Variants in LHFPL3 observed in about 807,000 individuals in gnomAD.
LHFPL3 encodes the protein LHFPL tetraspan subfamily member 3 protein.
Under a neutral mutation model 19.3 loss-of-function variants are expected in LHFPL3, and 5 were observed. That is an observed-to-expected ratio of 0.26 (90% CI 0.14 to 0.54). LHFPL3 has a LOEUF of 0.54. LHFPL3 is among the 20% of genes least tolerant of loss of function. The probability of loss-of-function intolerance (pLI) is 0.94; values close to 1 mark genes in which losing one functional copy is unlikely to be tolerated. For synonymous variants in LHFPL3, 133 were observed against 126.2 expected (o/e 1.05, Z -0.36); for missense variants, 249 against 307.4 (o/e 0.81, Z 1.42).
At chr7:104,753,372 A>AGT (rs1199487407) in intron 2 of LHFPL3, among the ~76,000 whole-genome samples, 1 of 152,198 alleles carries the variant, frequency 6.6e-6, no homozygotes, top group Non-Finnish European at 1.5e-5. Context: ...TTCACTCATA[A>AGT]TATTATAAGG....
intron 1 of LHFPL3, among the ~76,000 whole-genome samples, chr7:104,574,022 A>C (rs542234515): frequency 2.6e-5 from 4 of 152,342 alleles, no homozygotes; most frequent in South Asian, 4.1e-4. Context: ...GCAGCTTGGA[A>C]ATATTTACTG....
At chr7:104,873,696 G>A (rs1460041065) in intron 2 of LHFPL3, among the ~76,000 whole-genome samples, 1 of 152,158 alleles carries the variant, frequency 6.6e-6, no homozygotes, top group East Asian at 1.9e-4. Flanking sequence ...AACAATATAT[G>A]AATGTGCTCA....
chr7:104,368,704 A>G (rs941944873), intron 1 of LHFPL3, among the ~76,000 whole-genome samples: 1 of 150,876 alleles, frequency 6.6e-6, no homozygotes, highest in South Asian at 2.1e-4. Context: ...TTTTGTCTGC[A>G]TGGCCTTCCC....
At chr7:104,634,682 A>G (rs926184948) in intron 1 of LHFPL3, among the ~76,000 whole-genome samples, 4 of 152,172 alleles carry the variant, frequency 2.6e-5, no homozygotes, top group African/African-American at 4.8e-5. Context: ...AGACTGTGGG[A>G]TCCTTCTTTG....
chr7:104,361,965 G>T (rs1790396679), intron 1 of LHFPL3, among the ~76,000 whole-genome samples: 2 of 152,190 alleles, frequency 1.3e-5, no homozygotes, highest in Admixed American at 6.5e-5. Flanking sequence ...TAAAGGGTTG[G>T]CATTACACCA....
chr7:104,861,668 T>TGAAAGTGATTCTTCTCCTA (rs1171844093), intron 2 of LHFPL3, among the ~76,000 whole-genome samples: 1 of 151,944 alleles, frequency 6.6e-6, no homozygotes. Context: ...CCAACCTGGG[T>TGAAAGTGATTCTTCTCCTA]GAAAGTGATT....
rs76056403 is a variant in LHFPL3 at position 104,343,188 on chromosome 7, T to C, written c.445+13964T>C. On this transcript the variant is annotated intron_variant, in intron 1 of 2. Coordinates refer to ENST00000424859, the MANE Select transcript of LHFPL3 (RefSeq NM_199000.3). ...AAATTTTTCCCCAAATGTGTTAAAG[T>C]ATTATCCAAGTTTAGTGTAGAAATA... is the stretch of plus-strand genomic sequence containing the variant. Among the ~76,000 whole-genome samples, 2,232 of 152,080 alleles carry C rather than the reference T, an allele frequency of 0.015. 92 individuals carry two copies. The East Asian group carries it at 0.17, about 12-fold the overall frequency.
chr7:104,472,223 T>C (rs1008279856), intron 1 of LHFPL3, among the ~76,000 whole-genome samples: 2 of 152,068 alleles, frequency 1.3e-5, no homozygotes, highest in African/African-American at 4.8e-5. Context: ...TATATACTTT[T>C]TTAGTCACTA....
chr7:104,628,707 T>G (rs1024705418), intron 1 of LHFPL3, among the ~76,000 whole-genome samples: 3 of 152,172 alleles, frequency 2.0e-5, no homozygotes, highest in Non-Finnish European at 2.9e-5. Flanking sequence ...AGAGCTAAAT[T>G]TAAGCTTTTT....
chr7:104,639,580 A>T (rs1397318308), intron 1 of LHFPL3, among the ~76,000 whole-genome samples: 1 of 152,124 alleles, frequency 6.6e-6, no homozygotes, highest in Non-Finnish European at 1.5e-5. Context: ...TATGTGTAAT[A>T]TTTTGATTGA....
At chr7:104,542,411 T>C (rs1794502479) in intron 1 of LHFPL3, among the ~76,000 whole-genome samples, 1 of 152,178 alleles carries the variant, frequency 6.6e-6, no homozygotes, top group Admixed American at 6.5e-5. Context: ...TAAGGAGTTC[T>C]CTCATCTTCT....
chr7:104,405,090 A>G (rs1325363086), intron 1 of LHFPL3, among the ~76,000 whole-genome samples: 1 of 151,980 alleles, frequency 6.6e-6, no homozygotes, highest in African/African-American at 2.4e-5. Context: ...TAATTTATTG[A>G]TTTGTTTCTA....
intron 1 of LHFPL3, among the ~76,000 whole-genome samples, chr7:104,661,615 C>CAGT (rs1792224931): frequency 6.6e-6 from 1 of 152,190 alleles, no homozygotes; most frequent in Admixed American, 6.5e-5. Flanking sequence ...CTTCATAATA[C>CAGT]AGTAGTCCCT....
intron 2 of LHFPL3, among the ~76,000 whole-genome samples, chr7:104,834,279 G>A (rs1334322409): frequency 1.3e-5 from 2 of 151,292 alleles, no homozygotes; most frequent in Non-Finnish European, 2.9e-5. Flanking sequence ...CATCACAGTT[G>A]GAGTGAGCCA....
chr7:104,600,398 G>A (rs1790940561), intron 1 of LHFPL3, among the ~76,000 whole-genome samples: 2 of 152,272 alleles, frequency 1.3e-5, no homozygotes, highest in South Asian at 4.2e-4. Context: ...ATATCACTGA[G>A]CTAATCTCTA....
intron 1 of LHFPL3, among the ~76,000 whole-genome samples, chr7:104,498,864 A>G (rs77059246): frequency 0.033 from 5,027 of 152,316 alleles, 108 homozygotes; most frequent in Middle Eastern, 0.065. Flanking sequence ...TAGGTCCACA[A>G]TCAATTCTCA....
chr7:104,415,200 G>A (rs1360117515), intron 1 of LHFPL3, among the ~76,000 whole-genome samples: 3 of 152,102 alleles, frequency 2.0e-5, no homozygotes, highest in Non-Finnish European at 4.4e-5. Flanking sequence ...ATTAATAATT[G>A]AAACATTCAA....
At chr7:104,629,934 C>A (rs1010661509) in intron 1 of LHFPL3, among the ~76,000 whole-genome samples, 20 of 152,156 alleles carry the variant, frequency 1.3e-4, no homozygotes, top group Non-Finnish European at 2.2e-4. Flanking sequence ...TTTCTTTGTG[C>A]ACTTTTCTTC....
At chr7:104,904,501 A>G (rs2470934) in intron 2 of LHFPL3, among the ~76,000 whole-genome samples, 14,937 of 152,190 alleles carry the variant, frequency 0.098, 1,041 homozygotes, top group East Asian at 0.37. Flanking sequence ...AAACACAAAA[A>G]TCAGCCAGGT....
Sources: gnomAD v4.1 joint callset for allele counts (sites outside exome capture counted in the v4.1 genomes callset) on GRCh38, gnomAD v4.1.1 for gene constraint, MANE v1.5 for transcripts, NCBI Gene and HGNC (gene_info 2026-07-23, HGNC 2026-07-21) for gene names.